Variants in KCNIP3 observed in about 807,000 individuals in gnomAD.
The protein encoded by KCNIP3 is potassium voltage-gated channel interacting protein 3, also known as calsenilin.
A neutral mutation model predicts 35.0 loss-of-function variants in KCNIP3; 28 were observed. The observed-to-expected ratio is 0.80, with a 90% confidence interval of 0.59 to 1.10. The LOEUF (loss-of-function observed/expected upper bound fraction) is 1.10. Ranked by LOEUF, KCNIP3 falls within the 50% of genes least tolerant of loss-of-function variation. The probability of loss-of-function intolerance (pLI) is 0.00; values close to 1 mark genes in which losing one functional copy is unlikely to be tolerated. For missense variants in KCNIP3, 295 were observed against 338.4 expected (o/e 0.87, Z 1.01); for synonymous variants, 134 against 133.8 (o/e 1.00, Z -0.01).
chr2:95,341,863 C>A (rs1679202126), intron 2 of KCNIP3, among the ~76,000 whole-genome samples: 1 of 152,170 alleles, frequency 6.6e-6, no homozygotes, highest in South Asian at 2.1e-4. Flanking sequence ...GGGAAGCTTG[C>A]AGTCTAGTGG....
At chr2:95,375,252 TGCA>T in intron 5 of KCNIP3, 44 bp downstream of exon 5, 1 of 1,546,190 alleles carries the variant, frequency 6.5e-7, no homozygotes, top group Non-Finnish European at 8.9e-7. Context: ...CCCCTGTGGT[TGCA>T]GGAGTGAATC....
chr2:95,372,521 A>C (rs1345536172), intron 2 of KCNIP3, among the ~76,000 whole-genome samples: 2 of 152,150 alleles, frequency 1.3e-5, no homozygotes, highest in Non-Finnish European at 2.9e-5. Flanking sequence ...GATCCAGAAG[A>C]GGGGAAAAGG....
intron 2 of KCNIP3, among the ~76,000 whole-genome samples, chr2:95,372,102 G>C (rs1335537109): frequency 1.3e-5 from 2 of 152,154 alleles, no homozygotes; most frequent in African/African-American, 4.8e-5. Context: ...ACAGCACCCA[G>C]CCTTAATATA....
chr2:95,310,084 G>A (rs1678271207), intron 1 of KCNIP3: 4 of 581,112 alleles, frequency 6.9e-6, no homozygotes, highest in South Asian at 6.4e-5. Context: ...AGTAAGTCTG[G>A]GATCACTGCT....
In KCNIP3 at chr2:95,300,233, C is replaced by T. The variant is rs1205076456; in HGVS notation, c.15+2780C>T. 3.9e-5 allele frequency among the ~76,000 whole-genome samples: 6 copies of T among 152,242 alleles called. No individual in the cohort carries two copies. The East Asian group carries it at 5.8e-4, about 15-fold the overall frequency. ...AGACTCCACCTGGCCGCATCCCCTG[C>T]GTTAGCCACGTGACCTGGAGCTAGC... is the stretch of plus-strand genomic sequence containing the variant. On this transcript the variant is annotated intron_variant, in intron 1 of 8. Coordinates refer to ENST00000295225, the MANE Select transcript of KCNIP3 (RefSeq NM_013434.5).
intron 1 of KCNIP3, among the ~76,000 whole-genome samples, chr2:95,301,987 C>T (rs910953008): frequency 6.6e-6 from 1 of 152,202 alleles, no homozygotes; most frequent in Non-Finnish European, 1.5e-5. Context: ...ACAAGGCGAG[C>T]TGCCTTGCCT....
intron 2 of KCNIP3, among the ~76,000 whole-genome samples, chr2:95,319,717 C>G (rs540813401): frequency 1.3e-5 from 2 of 152,228 alleles, no homozygotes; most frequent in Non-Finnish European, 2.9e-5. Context: ...AAGCAAGAGT[C>G]CGTATCGTCT....
At position 95,362,436 on chromosome 2, in the gene KCNIP3, T is replaced by G. The variant is rs533297597; in HGVS notation, c.182-11860T>G. 7.9e-5 allele frequency among the ~76,000 whole-genome samples: 12 copies of G among 152,236 alleles called. No individual in the cohort carries two copies. The East Asian group carries it at 2.1e-3, about 27-fold the overall frequency. On this transcript the variant is annotated intron_variant, in intron 2 of 8. Coordinates refer to ENST00000295225, the MANE Select transcript of KCNIP3 (RefSeq NM_013434.5). ...TACTCTTCATATAAGGCTACCAATC[T>G]TATGGGATAAGGGCCCAACCTTGTG...
In KCNIP3 at chr2:95,382,372, T is replaced by A; in HGVS notation, c.556-5T>A. ...CAGCAGGCTCATGCCAGCCTCCCCC[T>A]CCAGGAGATGCTGGCCATCATGAAG... On this transcript the variant is annotated splice_polypyrimidine_tract_variant and splice_region_variant and intron_variant, in intron 6 of 8. Transcript: ENST00000295225. This position sits in a 1 kb window ranked among gnomAD's most constrained non-coding sequence, Gnocchi z 4.5. The A allele has an allele frequency of 6.4e-7, 1 of 1,569,526 alleles. No homozygotes were observed. Among genetic ancestry groups the A allele is most frequent in the Non-Finnish European group, 8.7e-7 (1 of 1,156,068 alleles).
intron 5 of KCNIP3, among the ~76,000 whole-genome samples, chr2:95,379,465 G>GT (rs2104305698): frequency 0.01 from 1 of 98 alleles, no homozygotes; most frequent in African/African-American, 0.045. Context: ...CTGGGGCCTG[G>GT]TGCCTCTGGG....
Position 95,367,726 on chromosome 2 carries a change from A to T in KCNIP3, c.182-6570A>T, listed in dbSNP as rs1679948761. Among the ~76,000 whole-genome samples, 4 of 150,586 alleles carry T rather than the reference A, an allele frequency of 2.7e-5. 1 individual carries two copies. The South Asian group carries it at 8.4e-4, about 32-fold the overall frequency. ...CATTCCAAAGGAAATTACAAAATCC[A>T]TTCACTTCTTTATATAAAAAAGTGA... On this transcript the variant is annotated intron_variant, in intron 2 of 8. Transcript: ENST00000295225.
chr2:95,341,462 T>C (rs558211686), intron 2 of KCNIP3, among the ~76,000 whole-genome samples: 65 of 152,308 alleles, frequency 4.3e-4, no homozygotes, highest in African/African-American at 1.5e-3. Context: ...GTCAATACTC[T>C]AAGGTCAAGA....
At chr2:95,344,239 C>G (rs961141791) in intron 2 of KCNIP3, among the ~76,000 whole-genome samples, 6 of 150,318 alleles carry the variant, frequency 4.0e-5, no homozygotes, top group African/African-American at 1.5e-4. Context: ...CCAGGGCAGA[C>G]AGTCGCCTGG....
chr2:95,315,335 G>C (rs116656952), intron 2 of KCNIP3, among the ~76,000 whole-genome samples: 2 of 152,146 alleles, frequency 1.3e-5, no homozygotes, highest in African/African-American at 2.4e-5. Flanking sequence ...ACGGTGTTTC[G>C]TTCTCAAGCA....
intron 1 of KCNIP3, among the ~76,000 whole-genome samples, chr2:95,300,113 T>C (rs1167038660): frequency 6.6e-6 from 1 of 152,198 alleles, no homozygotes; most frequent in East Asian, 1.9e-4. Flanking sequence ...GAGAAGGGCA[T>C]GCCTTTAACC....
intron 2 of KCNIP3, 137 bp from the exon 3 acceptor site, chr2:95,374,159 C>A (rs1443428589): frequency 1.8e-6 from 2 of 1,094,758 alleles, no homozygotes; most frequent in Admixed American, 2.1e-5. Flanking sequence ...CAGTGCACAG[C>A]CTGTGTGGCT....
intron 2 of KCNIP3, among the ~76,000 whole-genome samples, chr2:95,328,378 C>G (rs1305949661): frequency 6.6e-6 from 1 of 152,258 alleles, no homozygotes; most frequent in South Asian, 2.1e-4. Context: ...GTCTGAGCCA[C>G]AGTATCCCGC....
At position 95,382,438 on chromosome 2, in the gene KCNIP3, T is replaced by C. The variant is rs201212949; in HGVS notation, c.617T>C (p.Leu206Pro). Residue 206 changes from leucine (L) to proline (P), a missense_variant, in exon 7 of 9, where the codon CTG (leucine) becomes CCG (proline). Leu to Pro is a moderately conservative substitution (Grantham distance 98). Coordinates refer to ENST00000295225, the MANE Select transcript of KCNIP3 (RefSeq NM_013434.5). The surrounding 1 kb of genome is among the most constrained non-coding windows in gnomAD (Gnocchi z 4.5). Reference protein sequence around the residue: ...DMMGRHTYPILREDAPAEHVE... With the variant: ...DMMGRHTYPIPREDAPAEHVE... Reference sequence around the variant, plus strand: ...ATGGGCCGCCACACCTACCCCATCCTGCGGGAGGACGCGCCGGCGGAGCAC... The same window carrying C: ...ATGGGCCGCCACACCTACCCCATCCCGCGGGAGGACGCGCCGGCGGAGCAC... 39 of 1,609,358 alleles carry C rather than the reference T, an allele frequency of 2.4e-5. No homozygotes were observed. In the Admixed American group the frequency reaches 3.7e-4, roughly 15 times the overall value.
chr2:95,334,832 T>C (rs1204077237), intron 2 of KCNIP3, among the ~76,000 whole-genome samples: 3 of 152,194 alleles, frequency 2.0e-5, no homozygotes, highest in Non-Finnish European at 2.9e-5. Context: ...TACTAGATAC[T>C]TGCAGACCTC....
Sources: allele counts gnomAD v4.1 joint callset (sites outside exome capture counted in the v4.1 genomes callset), GRCh38; gene constraint gnomAD v4.1.1; non-coding constraint Gnocchi (gnomAD v3.1); transcripts MANE v1.5; gene names NCBI Gene and HGNC (gene_info 2026-07-23, HGNC 2026-07-21).